Variants in RAD51B observed in about 807,000 individuals in gnomAD.
RAD51B encodes RAD51 paralog B, also known as DNA repair protein RAD51 homolog 2.
In RAD51B, 38 loss-of-function variants were observed where a neutral mutation model predicts 42.2. The observed-to-expected ratio is 0.90, with a 90% CI of 0.70 to 1.18. The LOEUF is 1.18. Among genes scored for constraint, RAD51B ranks in the 50% most tolerant of loss-of-function variants. The pLI is 0.00. For missense variants in RAD51B, 373 were observed against 400.7 expected, an observed-to-expected ratio of 0.93 and a Z score of 0.59; for synonymous variants, 154 against 145.2, an observed-to-expected ratio of 1.06 and a Z score of -0.43.
At chr14:68,563,430 A>G (rs927127758) in intron 10 of RAD51B, 6 of 985,362 alleles carry the variant, frequency 6.1e-6, no homozygotes, top group Non-Finnish European at 6.0e-6. Flanking sequence ...TTACCCAAAG[A>G]AAACAGGGAA....
rs1432833798 is a variant in RAD51B, at chr14:68,128,174, T to A, written c.757-163710T>A. On this transcript the variant is annotated intron_variant, in intron 7 of 10. Coordinates refer to ENST00000471583, the MANE Select transcript of RAD51B (RefSeq NM_133510.4). ...GTATTTAGAAGCTGGAATATGAGTT[T>A]GGTTTTGATTGTTCCAAGTTCTTCC... is the stretch of plus-strand genomic sequence containing the variant. Among the ~76,000 whole-genome samples, 3 of 152,250 alleles carry A rather than the reference T, an allele frequency of 2.0e-5. No homozygotes were observed. In the East Asian group the frequency reaches 5.8e-4, roughly 29 times the overall value.
intron 7 of RAD51B, among the ~76,000 whole-genome samples, chr14:68,291,447 C>T (rs2081515835): frequency 6.6e-6 from 1 of 152,056 alleles, no homozygotes; most frequent in Non-Finnish European, 1.5e-5. Flanking sequence ...GGTGATCCGC[C>T]TGCCTCAGCC....
intron 7 of RAD51B, among the ~76,000 whole-genome samples, chr14:67,926,609 A>G (rs566853217): frequency 1.6e-5 from 2 of 123,744 alleles, no homozygotes; most frequent in African/African-American, 3.2e-5. Flanking sequence ...CTGTCGCCAC[A>G]CTGGAGTGCA....
intron 10 of RAD51B, among the ~76,000 whole-genome samples, chr14:68,587,954 C>T (rs569827403): frequency 2.0e-5 from 3 of 152,176 alleles, no homozygotes; most frequent in African/African-American, 7.2e-5. Context: ...CTCCTATAAA[C>T]GCGGGCCTGG....
intron 7 of RAD51B, among the ~76,000 whole-genome samples, chr14:68,219,475 G>T (rs2588811): frequency 5.5e-4 from 83 of 152,176 alleles, no homozygotes; most frequent in African/African-American, 1.8e-3. Flanking sequence ...GCAGGTACTG[G>T]TATCCTCGGC....
chr14:67,921,198 GA>G (rs1441778610), intron 7 of RAD51B, among the ~76,000 whole-genome samples: 3 of 152,150 alleles, frequency 2.0e-5, no homozygotes, highest in Non-Finnish European at 4.4e-5. Context: ...GGAGGGCTAG[GA>G]ATCCGTATTT....
At chr14:68,112,322 G>T (rs1476374792) in intron 7 of RAD51B, among the ~76,000 whole-genome samples, 1 of 151,890 alleles carries the variant, frequency 6.6e-6, no homozygotes, top group Non-Finnish European at 1.5e-5. Context: ...GTCCTCCTTT[G>T]AGATCTCGCT....
chr14:68,395,322 T>C (rs2140028567), intron 8 of RAD51B, among the ~76,000 whole-genome samples: 1 of 152,328 alleles, frequency 6.6e-6, no homozygotes. Context: ...TATTTTTACA[T>C]TTTGTTTGAA....
chr14:68,503,496 A>G (rs551201900), intron 10 of RAD51B, among the ~76,000 whole-genome samples: 1 of 136,274 alleles, frequency 7.3e-6, no homozygotes, highest in Admixed American at 7.6e-5. Flanking sequence ...ACCACTCACT[A>G]GATTTCTATC....
intron 7 of RAD51B, among the ~76,000 whole-genome samples, chr14:68,067,556 C>T (rs2076673998): frequency 6.6e-6 from 1 of 151,128 alleles, no homozygotes. Flanking sequence ...CACACTGATA[C>T]TAGAGAATTT....
At chr14:68,180,024 T>G (rs1386275274) in intron 7 of RAD51B, among the ~76,000 whole-genome samples, 1 of 152,132 alleles carries the variant, frequency 6.6e-6, no homozygotes, top group Non-Finnish European at 1.5e-5. Context: ...TATTCCACCC[T>G]TTATTCCCCC....
chr14:67,977,640 G>T (rs2075020125), intron 7 of RAD51B, among the ~76,000 whole-genome samples: 1 of 152,168 alleles, frequency 6.6e-6, no homozygotes, highest in East Asian at 1.9e-4. Flanking sequence ...TTATGGATTT[G>T]ATTCACAAAG....
intron 10 of RAD51B, among the ~76,000 whole-genome samples, chr14:68,590,581 C>G (rs1429722146): frequency 1.3e-5 from 2 of 152,162 alleles, no homozygotes; most frequent in African/African-American, 4.8e-5. Flanking sequence ...TTATTACCTC[C>G]TAAGCCTGAG....
chr14:68,412,401 C>A (rs1245698295), intron 9 of RAD51B, among the ~76,000 whole-genome samples: 2 of 152,102 alleles, frequency 1.3e-5, no homozygotes. Context: ...AAATCCAGGC[C>A]ATTTAGATAC....
At chr14:68,607,467 G>C (rs538342967) in intron 10 of RAD51B, among the ~76,000 whole-genome samples, 4 of 152,128 alleles carry the variant, frequency 2.6e-5, no homozygotes, top group South Asian at 4.2e-4. Flanking sequence ...GGAAGTCTGC[G>C]GCCAGCCCTG....
At chr14:68,618,081 A>G (rs1248519524) in intron 10 of RAD51B, among the ~76,000 whole-genome samples, 1 of 152,240 alleles carries the variant, frequency 6.6e-6, no homozygotes, top group Non-Finnish European at 1.5e-5. Flanking sequence ...AAACTCTAGC[A>G]TCTGCAAGCC....
intron 8 of RAD51B, among the ~76,000 whole-genome samples, chr14:68,353,619 C>A (rs1351821742): frequency 6.6e-6 from 1 of 152,156 alleles, no homozygotes; most frequent in Non-Finnish European, 1.5e-5. Flanking sequence ...CATTTGCAGG[C>A]ACTGTGGGGT....
At chr14:67,828,626 T>A (rs2040916755) in intron 3 of RAD51B, among the ~76,000 whole-genome samples, 1 of 152,184 alleles carries the variant, frequency 6.6e-6, no homozygotes, top group Admixed American at 6.5e-5. Flanking sequence ...TTTTGGATTT[T>A]ACATTCAAGT....
chr14:68,616,260 C>G (rs1328114675), downstream of RAD51B, among the ~76,000 whole-genome samples: 1 of 137,678 alleles, frequency 7.3e-6, no homozygotes. Flanking sequence ...TATTTTCCTT[C>G]TTTGTAAAAA....
Sources: gnomAD v4.1 joint callset for allele counts (sites outside exome capture counted in the v4.1 genomes callset) on GRCh38, gnomAD v4.1.1 for gene constraint, MANE v1.5 for transcripts, NCBI Gene and HGNC (gene_info 2026-07-23, HGNC 2026-07-21) for gene names.